CSMD1: variants seen among roughly 807,000 people sequenced by gnomAD.
CSMD1 encodes the protein CUB and sushi domain-containing protein 1.
A neutral mutation model predicts 417.5 loss-of-function variants in CSMD1; 213 were observed. That is an observed-to-expected ratio of 0.51 (90% CI 0.46 to 0.57). The LOEUF (loss-of-function observed/expected upper bound fraction) is 0.57. Among genes scored for constraint, CSMD1 ranks in the 20% least tolerant of loss-of-function variants. The probability of loss-of-function intolerance (pLI) is 0.00; values close to 1 mark genes in which losing one functional copy is unlikely to be tolerated. For synonymous variants in CSMD1, 2,862 were observed against 1,736.8 expected (o/e 1.65, Z -16.11); for missense variants, 6,923 against 4,529.7 (o/e 1.53, Z -15.17).
chr8:4,243,665 T>C (rs908767181), intron 3 of CSMD1, among the ~76,000 whole-genome samples: 3 of 152,246 alleles, frequency 2.0e-5, no homozygotes, highest in South Asian at 2.1e-4. Context: ...ATGTGTGATA[T>C]TGCAACTTAA....
intron 2 of CSMD1, among the ~76,000 whole-genome samples, chr8:4,455,002 G>A (rs1799382016): frequency 6.6e-6 from 1 of 152,064 alleles, no homozygotes; most frequent in Non-Finnish European, 1.5e-5. Flanking sequence ...GGGCTCCTGT[G>A]TGTTGCTATC....
At chr8:4,370,373 T>C (rs1006121851) in intron 3 of CSMD1, among the ~76,000 whole-genome samples, 4 of 152,182 alleles carry the variant, frequency 2.6e-5, no homozygotes, top group Non-Finnish European at 4.4e-5. Context: ...GCTTTCAAGA[T>C]TTTTTCTTTC....
chr8:3,713,554 A>G (rs1338525234), intron 6 of CSMD1, among the ~76,000 whole-genome samples: 1 of 152,074 alleles, frequency 6.6e-6, no homozygotes, highest in Non-Finnish European at 1.5e-5. Context: ...GATCCACTGA[A>G]CTTCCAAGAC....
intron 1 of CSMD1, among the ~76,000 whole-genome samples, chr8:4,876,653 T>A (rs1012854421): frequency 6.6e-6 from 1 of 152,060 alleles, no homozygotes; most frequent in African/African-American, 2.4e-5. Flanking sequence ...CACAATGCAA[T>A]GTGTTGTGTT....
chr8:3,742,745 A>G (rs1796875702), intron 6 of CSMD1, among the ~76,000 whole-genome samples: 1 of 152,140 alleles, frequency 6.6e-6, no homozygotes, highest in African/African-American at 2.4e-5. Context: ...AGAAGAAAAA[A>G]AACAAAAACA....
Position 4,764,103 on chromosome 8 carries a change from G to A in CSMD1, c.86-126545C>T, listed in dbSNP as rs753820046. Among the ~76,000 whole-genome samples the A allele has an allele frequency of 9.2e-5, 14 of 152,190 alleles. 1 individual carries two copies. Among genetic ancestry groups the A allele is most frequent in the Non-Finnish European group, 2.1e-4 (14 of 68,030 alleles). On this transcript the variant is annotated intron_variant, in intron 1 of 69. Transcript: ENST00000635120. ...CATCTATGCAATCTCCACCTCCAGA[G>A]AGGTAATCTACTTTATATGAGATTT...
intron 8 of CSMD1, among the ~76,000 whole-genome samples, chr8:3,601,826 A>T (rs1208117663): frequency 6.6e-6 from 1 of 152,214 alleles, no homozygotes; most frequent in Non-Finnish European, 1.5e-5. Flanking sequence ...CAAATGATTC[A>T]TTCTGTTTCC....
chr8:3,302,384 T>G (rs1467630778), intron 25 of CSMD1, among the ~76,000 whole-genome samples: 1 of 152,184 alleles, frequency 6.6e-6, no homozygotes, highest in Non-Finnish European at 1.5e-5. Flanking sequence ...TGGCTGAGTT[T>G]CCCTGGCTGC....
intron 3 of CSMD1, among the ~76,000 whole-genome samples, chr8:4,342,210 TG>T (rs1800517414): frequency 1.9e-4 from 1 of 5,352 alleles, no homozygotes; most frequent in Non-Finnish European, 3.3e-4. Context: ...TGTGTCTGTG[TG>T]TGTGTGTGTG....
rs1450946755 is a variant in CSMD1, at chr8:3,118,386, G to C, written c.6430+13C>G. The C allele has an allele frequency of 1.9e-6, 3 of 1,601,538 alleles. No homozygotes were observed. Among genetic ancestry groups the C allele is most frequent in the East Asian group, 2.2e-5 (1 of 44,764 alleles). ...AAACATTAAATCGCCCCCATGCAAAGTGATGAACTTACCATCACATCTTGG... is the reference window on the plus strand; with the variant it reads ...AAACATTAAATCGCCCCCATGCAAACTGATGAACTTACCATCACATCTTGG... On this transcript the variant is annotated intron_variant, in intron 42 of 69. Transcript: ENST00000635120.
Position 3,669,468 on chromosome 8 carries a change from C to T in CSMD1, c.1009+38946G>A, listed in dbSNP as rs115495625. On this transcript the variant is annotated intron_variant, in intron 7 of 69. Transcript: ENST00000635120. ...TGGTCCTGTTCATTCATTCATTCAACATCAGTAATTAGATATCCTCTACTA... is the reference window on the plus strand; with the variant it reads ...TGGTCCTGTTCATTCATTCATTCAATATCAGTAATTAGATATCCTCTACTA... 9.6e-3 allele frequency among the ~76,000 whole-genome samples: 1,462 copies of T among 152,258 alleles called. 16 individuals are homozygous for T. Among genetic ancestry groups the T allele is most frequent in the African/African-American group, 0.03 (1,238 of 41,540 alleles).
At chr8:3,636,574 T>C (rs1320238724) in intron 7 of CSMD1, among the ~76,000 whole-genome samples, 2 of 152,212 alleles carry the variant, frequency 1.3e-5, no homozygotes, top group Non-Finnish European at 1.5e-5. Context: ...AACTTTATGC[T>C]GGTCATGAAA....
At chr8:3,959,379 G>C (rs902170582) in intron 5 of CSMD1, among the ~76,000 whole-genome samples, 1 of 152,292 alleles carries the variant, frequency 6.6e-6, no homozygotes. Context: ...CCAGCCTGTA[G>C]TACCAGCTAC....
At chr8:4,481,415 T>G (rs1290861718) in intron 2 of CSMD1, among the ~76,000 whole-genome samples, 1 of 152,250 alleles carries the variant, frequency 6.6e-6, no homozygotes, top group East Asian at 1.9e-4. Context: ...TGGATCACAG[T>G]TGAATTGGCA....
At chr8:4,839,491 G>A (rs1362744365) in intron 1 of CSMD1, among the ~76,000 whole-genome samples, 2 of 152,062 alleles carry the variant, frequency 1.3e-5, no homozygotes, top group African/African-American at 4.8e-5. Flanking sequence ...TCCTAACTCA[G>A]CTAACAACTG....
intron 7 of CSMD1, among the ~76,000 whole-genome samples, chr8:3,703,220 A>G (rs1374183300): frequency 1.3e-5 from 2 of 152,180 alleles, no homozygotes; most frequent in African/African-American, 4.8e-5. Flanking sequence ...GAGTTGAAAT[A>G]TCTCTAAAGA....
chr8:4,361,860 C>T (rs893531046), intron 3 of CSMD1, among the ~76,000 whole-genome samples: 4 of 152,080 alleles, frequency 2.6e-5, no homozygotes, highest in Admixed American at 2.6e-4. Context: ...GAGGCTAAGG[C>T]AGAAGAATTG....
At chr8:4,773,456 C>T (rs185784279) in intron 1 of CSMD1, among the ~76,000 whole-genome samples, 294 of 152,246 alleles carry the variant, frequency 1.9e-3, no homozygotes, top group African/African-American at 6.9e-3. Context: ...CTGTGCACCC[C>T]AGAGCAGCAC....
intron 49 of CSMD1, among the ~76,000 whole-genome samples, chr8:3,070,983 G>A (rs1050786924): frequency 1.3e-5 from 2 of 152,196 alleles, no homozygotes; most frequent in African/African-American, 2.4e-5. Context: ...CTCCTGGGGA[G>A]ACCTGAGGGA....
Sources: allele counts gnomAD v4.1 joint callset (sites outside exome capture counted in the v4.1 genomes callset), GRCh38; gene constraint gnomAD v4.1.1; transcripts MANE v1.5; gene names NCBI Gene and HGNC (gene_info 2026-07-23, HGNC 2026-07-21).